The following R3HDM1 variants were observed in gnomAD, a reference collection of about 807,000 sequenced individuals.
R3HDM1 encodes the protein R3H domain containing 1.
A neutral mutation model predicts 141.1 loss-of-function variants in R3HDM1; 46 were observed. The observed-to-expected ratio is 0.33, with a 90% confidence interval of 0.26 to 0.42. The LOEUF is 0.42. Among genes scored for constraint, R3HDM1 ranks in the 10% least tolerant of loss-of-function variants. The pLI is 1.00. For missense variants in R3HDM1, 1,184 were observed against 1,368.3 expected, an observed-to-expected ratio of 0.87 and a Z score of 2.12; for synonymous variants, 435 against 472.9, an observed-to-expected ratio of 0.92 and a Z score of 1.04.
chr2:135,549,582 CA>C (rs1409389915), intron 1 of R3HDM1, among the ~76,000 whole-genome samples: 5 of 118,068 alleles, frequency 4.2e-5, no homozygotes, highest in East Asian at 2.5e-4. Flanking sequence ...AAAAAAAAAA[CA>C]AAAACAAAAT....
chr2:135,647,771 T>G (rs929689345), intron 16 of R3HDM1, among the ~76,000 whole-genome samples: 1 of 152,218 alleles, frequency 6.6e-6, no homozygotes, highest in Non-Finnish European at 1.5e-5. Context: ...CTACTTTTCT[T>G]AGACCTAACG....
At chr2:135,543,130 A>G in intron 1 of R3HDM1, 1 of 977,142 alleles carries the variant, frequency 1.0e-6, no homozygotes, top group Non-Finnish European at 1.2e-6. Flanking sequence ...AATATGTAAA[A>G]TGGATGATTA....
chr2:135,649,476 G>A (rs2064893942), intron 16 of R3HDM1: 1 of 152,164 alleles, frequency 6.6e-6, no homozygotes, highest in South Asian at 2.1e-4. Flanking sequence ...CTGATAGTAA[G>A]AATGAAGTTT....
chr2:135,551,279 G>T (rs1464321325), intron 1 of R3HDM1, among the ~76,000 whole-genome samples: 1 of 152,232 alleles, frequency 6.6e-6, no homozygotes, highest in African/African-American at 2.4e-5. Flanking sequence ...AAAATTAGAA[G>T]TGGGAGAGGC....
intron 1 of R3HDM1, among the ~76,000 whole-genome samples, chr2:135,547,458 TC>T (rs890997689): frequency 2.0e-5 from 3 of 151,950 alleles, no homozygotes; most frequent in African/African-American, 7.2e-5. Flanking sequence ...GATTTTTTTT[TC>T]TGGAGTTTCT....
At chr2:135,650,301 C>CA in intron 17 of R3HDM1, 1 of 985,382 alleles carries the variant, frequency 1.0e-6, no homozygotes. Flanking sequence ...GAGGCCACTG[C>CA]AGGATCTGTG....
At chr2:135,677,076 C>T (rs1163320207) in intron 20 of R3HDM1, among the ~76,000 whole-genome samples, 1 of 151,800 alleles carries the variant, frequency 6.6e-6, no homozygotes. Context: ...AAATGATGGG[C>T]GTAAATTGGT....
At chr2:135,662,316 T>TA (rs1233230382) in intron 19 of R3HDM1, among the ~76,000 whole-genome samples, 1 of 152,234 alleles carries the variant, frequency 6.6e-6, no homozygotes, top group Non-Finnish European at 1.5e-5. Flanking sequence ...TCGTCAGGGT[T>TA]ACCACCAGTT....
At chr2:135,566,780 G>A (rs1052017680) in intron 1 of R3HDM1, 33 of 984,948 alleles carry the variant, frequency 3.4e-5, no homozygotes, top group African/African-American at 2.8e-4. Context: ...GGTGGCTCAC[G>A]CCTGTAATCA....
intron 15 of R3HDM1, among the ~76,000 whole-genome samples, chr2:135,642,977 A>C (rs991910149): frequency 6.6e-6 from 1 of 152,144 alleles, no homozygotes; most frequent in African/African-American, 2.4e-5. Flanking sequence ...AGATGATTTA[A>C]TATTTTACTT....
Position 135,604,852 on chromosome 2 carries a change from A to T in R3HDM1, c.7A>T (p.Met3Leu). The change falls in exon 3 of 27, where the codon ATG becomes TTG. Residue 3 changes from methionine (M) to leucine (L), a missense_variant. This residue lies in a region of R3HDM1 where 192 missense variants were observed against 215.7 expected (regional missense o/e 0.89). Transcript: ENST00000683871. Reference sequence around the variant, plus strand: ...TCGAAAATAACCTTTTCTAATGAGGATGTCTGATACTGTTACTGTAAAAGA... The same window carrying T: ...TCGAAAATAACCTTTTCTAATGAGGTTGTCTGATACTGTTACTGTAAAAGA... MRMSDTVTVKDET... is the reference protein window; with the variant it reads MRLSDTVTVKDET... 3.1e-6 allele frequency: 5 copies of T among 1,612,216 alleles called. No individual in the cohort carries two copies. The highest frequency in any genetic ancestry group is 3.4e-6 in the Non-Finnish European group (4 of 1,178,960).
intron 1 of R3HDM1, among the ~76,000 whole-genome samples, chr2:135,569,628 C>G (rs1185492877): frequency 1.3e-5 from 2 of 152,130 alleles, no homozygotes; most frequent in African/African-American, 4.8e-5. Context: ...GTTAACCTAT[C>G]TGTCTCAGTT....
At chr2:135,712,245 G>A (rs1166918486) in intron 23 of R3HDM1, among the ~76,000 whole-genome samples, 1 of 151,962 alleles carries the variant, frequency 6.6e-6, no homozygotes, top group African/African-American at 2.4e-5. Flanking sequence ...CACAGTCACA[G>A]CTTACTGCAG....
intron 15 of R3HDM1, 29 bp from the exon 16 acceptor site, chr2:135,645,350 A>G: frequency 6.4e-7 from 1 of 1,561,294 alleles, no homozygotes. Context: ...ATTCTAAGTT[A>G]TTTTTTTCCC....
At chr2:135,567,345 A>G (rs544930317) in intron 1 of R3HDM1, among the ~76,000 whole-genome samples, 1 of 152,330 alleles carries the variant, frequency 6.6e-6, no homozygotes, top group East Asian at 1.9e-4. Flanking sequence ...TCATATATAG[A>G]CAGTAACTTC....
rs35003255 is a variant in R3HDM1 at position 135,721,985 on chromosome 2, C to T, written c.2943C>T (p.His981=). ...AGTACAATCCTCCTGCTGTTCTGCA[C>T]GGACACATTCCAAACCAACAGGTAG... ...PLQYNPPAVL[H]GHIPNQQGQP... Residue 981 remains histidine, a synonymous_variant, in exon 25 of 27, where the codon CAC becomes CAT. Transcript: ENST00000683871. The T allele has an allele frequency of 4.2e-4, 684 of 1,613,414 alleles. 3 individuals carry two copies. In the African/African-American group the frequency reaches 7.6e-3, roughly 18 times the overall value.
At chr2:135,578,399 A>G (rs1253450863) in intron 1 of R3HDM1, among the ~76,000 whole-genome samples, 1 of 152,238 alleles carries the variant, frequency 6.6e-6, no homozygotes, top group African/African-American at 2.4e-5. Flanking sequence ...GGGTAGAAAG[A>G]TTGGGAGTAA....
intron 1 of R3HDM1, among the ~76,000 whole-genome samples, chr2:135,588,832 A>G (rs1395996804): frequency 1.1e-4 from 16 of 152,172 alleles, no homozygotes; most frequent in Admixed American, 9.8e-4. Flanking sequence ...GTAAACTTGT[A>G]TTTAAAACTT....
intron 1 of R3HDM1, among the ~76,000 whole-genome samples, chr2:135,571,282 A>G (rs1478269741): frequency 3.9e-5 from 6 of 152,078 alleles, no homozygotes; most frequent in African/African-American, 1.4e-4. Context: ...GATTTACAGG[A>G]TGTTTACTAG....
Sources: gnomAD v4.1 joint callset for allele counts (sites outside exome capture counted in the v4.1 genomes callset) on GRCh38, gnomAD v4.1.1 for gene constraint, gnomAD v4.1.1 regional missense constraint, MANE v1.5 for transcripts, NCBI Gene and HGNC (gene_info 2026-07-23, HGNC 2026-07-21) for gene names.